Variants in ANXA10 observed in about 807,000 individuals in gnomAD.
ANXA10 encodes annexin 14.
Under a neutral mutation model 53.5 loss-of-function variants are expected in ANXA10, and 49 were observed. The observed-to-expected ratio is 0.92, with a 90% confidence interval of 0.73 to 1.16. The LOEUF (loss-of-function observed/expected upper bound fraction) is 1.16, where lower values mean the gene tolerates loss of function less well. Among genes scored for constraint, ANXA10 ranks in the 50% most tolerant of loss-of-function variants. ANXA10 has a pLI of 0.00. For synonymous variants in ANXA10, 131 were observed against 128.9 expected (o/e 1.02, Z -0.11); for missense variants, 393 against 394.4 (o/e 1.00, Z 0.03).
intron 6 of ANXA10, among the ~76,000 whole-genome samples, chr4:168,167,044 AT>A (rs1731894664): frequency 6.6e-6 from 1 of 152,092 alleles, no homozygotes; most frequent in African/African-American, 2.4e-5. Flanking sequence ...ATAATTGTCT[AT>A]TCTTTCATCC....
In ANXA10 at chr4:168,139,516, T is replaced by C. The variant is rs374315710; in HGVS notation, c.131T>C (p.Leu44Pro). 2.8e-5 allele frequency: 45 copies of C among 1,612,910 alleles called. No individual in the cohort carries two copies. Among genetic ancestry groups the C allele is most frequent in the Non-Finnish European group, 3.8e-5 (45 of 1,179,146 alleles). The change falls in exon 3 of 12, where the codon CTG becomes CCG. Residue 44 changes from leucine to proline, a missense_variant. Coordinates refer to ENST00000359299, the MANE Select transcript of ANXA10 (RefSeq NM_007193.5). Reference sequence around the variant, plus strand: ...GACAAAGACATGCTGATCAACATTCTGACTCAGCGCTGCAATGCACAAAGG... The same window carrying C: ...GACAAAGACATGCTGATCAACATTCCGACTCAGCGCTGCAATGCACAAAGG... ...DCDKDMLINI[L>P]TQRCNAQRMM...
rs1350448893 is a variant in ANXA10 at position 168,155,850 on chromosome 4, TATATCATATATG to T, written c.196-6673_196-6662del. Among the ~76,000 whole-genome samples, 42 of 6,966 alleles carry T rather than the reference TATATCATATATG, an allele frequency of 6.0e-3. 3 individuals are homozygous for T. Among genetic ancestry groups the T allele is most frequent in the Admixed American group, 9.8e-3 (4 of 410 alleles). The allele number at this position is 6,966 out of a possible 152,430, so 4.6% of individuals were successfully genotyped here. On this transcript the variant is annotated intron_variant, in intron 3 of 11. Coordinates refer to ENST00000359299, the MANE Select transcript of ANXA10 (RefSeq NM_007193.5). The stretch of plus-strand genomic sequence containing the variant: ...ATATGATATATCATATATAATATAA[TATATCATATATG>T]ATATATCATATATTATATGTTATAT...
chr4:168,102,591 G>C (rs1400803071), intron 1 of ANXA10, among the ~76,000 whole-genome samples: 1 of 152,022 alleles, frequency 6.6e-6, no homozygotes, highest in Non-Finnish European at 1.5e-5. Context: ...CCATTTTATT[G>C]CTGAGTCACT....
chr4:168,174,795 A>G (rs1732089568), intron 6 of ANXA10, among the ~76,000 whole-genome samples: 1 of 151,786 alleles, frequency 6.6e-6, no homozygotes, highest in Non-Finnish European at 1.5e-5. Flanking sequence ...TGCAGTGTGG[A>G]AGACTGAGAC....
intron 1 of ANXA10, among the ~76,000 whole-genome samples, chr4:168,126,552 T>C (rs1206435944): frequency 1.3e-5 from 2 of 152,164 alleles, no homozygotes; most frequent in Non-Finnish European, 2.9e-5. Context: ...GCAGTCCCAC[T>C]TCCCAGATCG....
At chr4:168,156,072 A>ATATAT (rs1731652651) in intron 3 of ANXA10, among the ~76,000 whole-genome samples, 1 of 27,706 alleles carries the variant, frequency 3.6e-5, no homozygotes, top group African/African-American at 1.6e-4. Flanking sequence ...ATCATATATT[A>ATATAT]TATATATTAT....
intron 3 of ANXA10, among the ~76,000 whole-genome samples, chr4:168,154,042 A>G (rs985374193): frequency 1.3e-5 from 2 of 152,070 alleles, no homozygotes; most frequent in African/African-American, 4.8e-5. Flanking sequence ...GTTGAAAACA[A>G]AGATACAAGC....
intron 3 of ANXA10, among the ~76,000 whole-genome samples, chr4:168,150,211 G>T (rs1441244221): frequency 6.6e-6 from 1 of 152,086 alleles, no homozygotes; most frequent in Non-Finnish European, 1.5e-5. Context: ...TTTGAAAGGG[G>T]AGAGTTTAGA....
intron 6 of ANXA10, among the ~76,000 whole-genome samples, chr4:168,170,983 T>A (rs1217750260): frequency 6.6e-6 from 1 of 152,158 alleles, no homozygotes; most frequent in Non-Finnish European, 1.5e-5. Context: ...GTTAAATAGT[T>A]CAAAGATTTT....
chr4:168,187,460 C>G lies in ANXA10; in HGVS notation c.*26C>G, dbSNP rs764263510. On this transcript the variant is annotated 3_prime_UTR_variant, in exon 12 of 12. Coordinates refer to ENST00000359299, the MANE Select transcript of ANXA10 (RefSeq NM_007193.5). ...AATGAAGAGGACTTGGAGTACTGTG[C>G]ACTCCTCTTTCTAGACACTTCCAAA... 1 of 1,482,308 alleles carries G rather than the reference C, an allele frequency of 6.7e-7. No individual in the cohort carries two copies. Among genetic ancestry groups the G allele is most frequent in the Admixed American group, 1.9e-5 (1 of 53,986 alleles). The allele number at this position is 1,482,308 out of a possible 1,614,324, so 91.8% of individuals were successfully genotyped here.
At chr4:168,092,843 C>T in intron 1 of ANXA10, 125 bp downstream of exon 1, 1 of 808,194 alleles carries the variant, frequency 1.2e-6, no homozygotes, top group Non-Finnish European at 1.8e-6. Context: ...ATTCTTACTA[C>T]TTTCTTACTA....
At chr4:168,170,004 G>A (rs1052135893) in intron 6 of ANXA10, among the ~76,000 whole-genome samples, 1 of 152,044 alleles carries the variant, frequency 6.6e-6, no homozygotes, top group African/African-American at 2.4e-5. Flanking sequence ...ATCAATGAAT[G>A]GTGACTTTTG....
At chr4:168,152,037 A>G (rs1398362170) in intron 3 of ANXA10, among the ~76,000 whole-genome samples, 1 of 152,184 alleles carries the variant, frequency 6.6e-6, no homozygotes, top group Non-Finnish European at 1.5e-5. Context: ...GCACAGTTCT[A>G]TGGGCTGGTG....
At chr4:168,115,497 G>GCACA (rs67627035) in intron 1 of ANXA10, among the ~76,000 whole-genome samples, 2,656 of 136,472 alleles carry the variant, frequency 0.019, 39 homozygotes, top group East Asian at 0.046. Flanking sequence ...CAATACACAC[G>GCACA]CACACACACA....
intron 11 of ANXA10, 67 bp downstream of exon 11, chr4:168,184,748 C>A: frequency 6.3e-7 from 1 of 1,584,170 alleles, no homozygotes; most frequent in South Asian, 1.1e-5. Flanking sequence ...GATAAAAGTT[C>A]TCATTCAAAT....
chr4:168,136,601 G>A (rs1460473521), intron 2 of ANXA10, among the ~76,000 whole-genome samples: 1 of 152,198 alleles, frequency 6.6e-6, no homozygotes, highest in African/African-American at 2.4e-5. Context: ...CCACACTGAT[G>A]CAAGAGGTGG....
chr4:168,109,199 C>A (rs1445668488), intron 1 of ANXA10, among the ~76,000 whole-genome samples: 2 of 152,112 alleles, frequency 1.3e-5, no homozygotes, highest in African/African-American at 4.8e-5. Flanking sequence ...TTTCTACCAA[C>A]CCTCACTTTC....
At chr4:168,159,130 A>G (rs1731738861) in intron 3 of ANXA10, among the ~76,000 whole-genome samples, 1 of 152,196 alleles carries the variant, frequency 6.6e-6, no homozygotes, top group Non-Finnish European at 1.5e-5. Context: ...AAGTGGACTA[A>G]CACGCTACTT....
chr4:168,123,576 C>T (rs1731023758), intron 1 of ANXA10, among the ~76,000 whole-genome samples: 1 of 152,092 alleles, frequency 6.6e-6, no homozygotes, highest in South Asian at 2.1e-4. Flanking sequence ...ACATTTAGGA[C>T]GTTTTCTTTA....
Sources: allele counts gnomAD v4.1 joint callset (sites outside exome capture counted in the v4.1 genomes callset), GRCh38; gene constraint gnomAD v4.1.1; transcripts MANE v1.5; gene names NCBI Gene and HGNC (gene_info 2026-07-23, HGNC 2026-07-21).